Variants in ITPR3 observed in about 807,000 individuals in gnomAD.
The protein encoded by ITPR3 is inositol 1,4,5-trisphosphate receptor type 3.
Under a neutral mutation model 293.2 loss-of-function variants are expected in ITPR3, and 173 were observed. That is an observed-to-expected ratio of 0.59 (90% confidence interval 0.52 to 0.67). The LOEUF (loss-of-function observed/expected upper bound fraction) is 0.67. Ranked by LOEUF, ITPR3 falls within the 30% of genes least tolerant of loss-of-function variation. The probability of loss-of-function intolerance (pLI) is 0.00; values close to 1 mark genes in which losing one functional copy is unlikely to be tolerated. For missense variants in ITPR3, 2,796 were observed against 3,592.1 expected (o/e 0.78, Z 5.66); for synonymous variants, 1,295 against 1,444.4 (o/e 0.90, Z 2.35).
Position 33,633,741 on chromosome 6 carries a change from T to A in ITPR3, c.90-6743T>A, listed in dbSNP as rs1304554724. ...TGCACGTGGGACGGCGAGTTTCGCT[T>A]CGCCGCGGGGGCGGGGGCGGGGCCG... On this transcript the variant is annotated intron_variant, in intron 1 of 57. Transcript: ENST00000605930. This position sits in a 1 kb window ranked among gnomAD's most constrained non-coding sequence, Gnocchi z 5.2. 7.1e-6 allele frequency among the ~76,000 whole-genome samples: 1 copy of A among 141,150 alleles called. No individual in the cohort carries two copies. Among genetic ancestry groups the A allele is most frequent in the African/African-American group, 2.6e-5 (1 of 39,206 alleles). The allele number at this position is 141,150 out of a possible 152,430, so 92.6% of individuals were successfully genotyped here. A position where few individuals can be genotyped will look rare whatever the true frequency, so the allele number is the denominator to read the frequency against.
intron 18 of ITPR3, among the ~76,000 whole-genome samples, 155 bp downstream of exon 18, chr6:33,669,311 G>A (rs568949643): frequency 1.3e-5 from 2 of 152,198 alleles, no homozygotes; most frequent in Non-Finnish European, 2.9e-5. Flanking sequence ...CCCCTGCCAC[G>A]AAGCCTCATT....
intron 1 of ITPR3, among the ~76,000 whole-genome samples, chr6:33,627,571 T>C (rs762028831): frequency 6.6e-6 from 1 of 152,268 alleles, no homozygotes; most frequent in Non-Finnish European, 1.5e-5. Flanking sequence ...CTGAACATCC[T>C]AGTGCATGCA....
chr6:33,693,218 G>A (rs916091455), intron 55 of ITPR3, among the ~76,000 whole-genome samples: 3 of 152,180 alleles, frequency 2.0e-5, no homozygotes, highest in Non-Finnish European at 4.4e-5. Flanking sequence ...CAGCCACCTC[G>A]GGCTCAGGCA....
chr6:33,688,495 G>A (rs948542144), intron 48 of ITPR3, 64 bp downstream of exon 48: 58 of 1,498,154 alleles, frequency 3.9e-5, no homozygotes, highest in Middle Eastern at 2.4e-4. Context: ...CTGTTATAAC[G>A]GCCTCCTTTG....
rs767216091 is a variant in ITPR3, at chr6:33,691,757, G to A, written c.7330+38G>A. ...TGTGTGCAGGAGTCTGTGTGGGGTA[G>A]GAGGAGCAGGCAGCCCGGGCCTCAG... On this transcript the variant is annotated intron_variant, in intron 53 of 57. Coordinates refer to ENST00000605930, the MANE Select transcript of ITPR3 (RefSeq NM_002224.4). This position sits in a 1 kb window ranked among gnomAD's most constrained non-coding sequence, Gnocchi z 4.9. 7 of 1,608,136 alleles carry A rather than the reference G, an allele frequency of 4.4e-6. No individual in the cohort carries two copies. Among genetic ancestry groups the A allele is most frequent in the Non-Finnish European group, 4.2e-6 (5 of 1,177,754 alleles).
intron 2 of ITPR3, among the ~76,000 whole-genome samples, chr6:33,643,974 GA>G (rs1417762607): frequency 6.6e-6 from 1 of 152,212 alleles, no homozygotes; most frequent in Non-Finnish European, 1.5e-5. Context: ...GTCAGGTCAC[GA>G]GGTCCAGAGT....
chr6:33,636,884 G>T (rs1389078680), intron 1 of ITPR3, among the ~76,000 whole-genome samples: 1 of 152,136 alleles, frequency 6.6e-6, no homozygotes, highest in African/African-American at 2.4e-5. Flanking sequence ...AGGTGCTGGA[G>T]GCCGGGAGAG....
At position 33,667,139 on chromosome 6, in the gene ITPR3, T is replaced by C; in HGVS notation, c.1562T>C (p.Ile521Thr). The change falls in exon 15 of 58, where the codon ATT becomes ACT. Residue 521 changes from isoleucine to threonine, a missense_variant. Ile to Thr is a moderately conservative substitution (Grantham distance 89, BLOSUM62 -1). This residue lies in a region of ITPR3 where 955 missense variants were observed against 1,180.8 expected (regional missense o/e 0.81). Coordinates refer to ENST00000605930, the MANE Select transcript of ITPR3 (RefSeq NM_002224.4). The surrounding 1 kb of genome is among the most constrained non-coding windows in gnomAD (Gnocchi z 4.4). The stretch of plus-strand genomic sequence containing the variant: ...TCTGTATTCCCCCAGGTCTTTGGCA[T>C]TCTGAAGGCCCCGTTCCGTGAGAAG... ...EQNILKQVFGILKAPFREKGG... is the reference protein window; with the variant it reads ...EQNILKQVFGTLKAPFREKGG... 2 of 1,613,988 alleles carry C rather than the reference T, an allele frequency of 1.2e-6. No individual in the cohort carries two copies. Among genetic ancestry groups the C allele is most frequent in the Non-Finnish European group, 1.7e-6 (2 of 1,179,904 alleles).
In ITPR3 at chr6:33,670,632, A is replaced by G. The variant is rs772993409; in HGVS notation, c.2442-39A>G. 1 of 1,613,376 alleles carries G rather than the reference A, an allele frequency of 6.2e-7. No individual in the cohort carries two copies. Among genetic ancestry groups the G allele is most frequent in the Non-Finnish European group, 8.5e-7 (1 of 1,179,802 alleles). ...CAGGGGCAGAGGCTGGAGTGGGTGT[A>G]TCTCGGGGACCTTCATGCCTCATGG... On this transcript the variant is annotated intron_variant, in intron 19 of 57. Transcript: ENST00000605930. This position sits in a 1 kb window ranked among gnomAD's most constrained non-coding sequence, Gnocchi z 6.7.
At chr6:33,652,303 T>C (rs930959030) in intron 2 of ITPR3, among the ~76,000 whole-genome samples, 2 of 152,148 alleles carry the variant, frequency 1.3e-5, no homozygotes, top group Non-Finnish European at 2.9e-5. Context: ...GGTTGATGTA[T>C]GCATCCGGCA....
intron 1 of ITPR3, among the ~76,000 whole-genome samples, chr6:33,625,217 C>T (rs1763524038): frequency 6.6e-6 from 1 of 152,000 alleles, no homozygotes; most frequent in African/African-American, 2.4e-5. Context: ...GATCTCAAGT[C>T]ATCTCTTGAA....
In ITPR3 at chr6:33,667,442, C is replaced by T; in HGVS notation, c.1713+152C>T. The T allele has an allele frequency of 9.5e-7, 1 of 1,051,428 alleles. No homozygotes were observed. The highest frequency in any genetic ancestry group is 1.3e-6 in the Non-Finnish European group (1 of 746,006). The allele number at this position is 1,051,428 out of a possible 1,614,324, so 65.1% of individuals were successfully genotyped here. ...CAGGGCCGGGTTCATGGGAATGGGACCTGGCCCGGTGCTCACAAGGGCCTT... is the reference window on the plus strand; with the variant it reads ...CAGGGCCGGGTTCATGGGAATGGGATCTGGCCCGGTGCTCACAAGGGCCTT... On this transcript the variant is annotated intron_variant, in intron 15 of 57. Transcript: ENST00000605930. This position sits in a 1 kb window ranked among gnomAD's most constrained non-coding sequence, Gnocchi z 4.4.
In ITPR3 at chr6:33,640,530, G is replaced by C. The variant is rs749506387; in HGVS notation, c.136G>C (p.Asp46His). 1.2e-6 allele frequency: 2 copies of C among 1,613,514 alleles called. No individual in the cohort carries two copies. Among genetic ancestry groups the C allele is most frequent in the African/African-American group, 2.7e-5 (2 of 74,866 alleles). ...CVVEPAAGDLDNPPKKFRDCL... is the reference protein window; with the variant it reads ...CVVEPAAGDLHNPPKKFRDCL... ...GGTGGAGCCCGCGGCCGGGGACCTGGACAACCCCCCTAAGAAGTTCCGTGG... is the reference window on the plus strand; with the variant it reads ...GGTGGAGCCCGCGGCCGGGGACCTGCACAACCCCCCTAAGAAGTTCCGTGG... Residue 46 changes from aspartate to histidine, a missense_variant, in exon 2 of 58, where the codon GAC (aspartate) becomes CAC (histidine). This residue lies in a region of ITPR3 where 53 missense variants were observed against 45.7 expected (regional missense o/e 1.16). Transcript: ENST00000605930.
chr6:33,685,756 T>C lies in ITPR3; in HGVS notation c.5596T>C (p.Ser1866Pro). 6.2e-7 allele frequency: 1 copy of C among 1,604,944 alleles called. No homozygotes were observed. The highest frequency in any genetic ancestry group is 8.5e-7 in the Non-Finnish European group (1 of 1,173,788). The change falls in exon 41 of 58, where the codon TCC (serine) becomes CCC (proline). Residue 1866 changes from serine to proline, a missense_variant. Transcript: ENST00000605930. Reference sequence around the variant, plus strand: ...TGTGCAGAGCAGTGAGATGGGCACATCCGTGCTCATCATGCAGCCCATCCT... The same window carrying C: ...TGTGCAGAGCAGTGAGATGGGCACACCCGTGCTCATCATGCAGCCCATCCT... ...ERVQSSEMGTSVLIMQPILRF... is the reference protein window; with the variant it reads ...ERVQSSEMGTPVLIMQPILRF...
At position 33,655,675 on chromosome 6, in the gene ITPR3, G is replaced by A. The variant is rs1764288716; in HGVS notation, c.161-91G>A. Reference sequence around the variant, plus strand: ...GGGAACGGGGGTGGGGAAGGGTTGGGAGAGAAGAGCTGCAGGCTGGGGTTT... The same window carrying A: ...GGGAACGGGGGTGGGGAAGGGTTGGAAGAGAAGAGCTGCAGGCTGGGGTTT... On this transcript the variant is annotated intron_variant, in intron 2 of 57. Transcript: ENST00000605930. The surrounding 1 kb of genome is among the most constrained non-coding windows in gnomAD (Gnocchi z 4.9). The A allele has an allele frequency of 2.6e-6, 4 of 1,548,260 alleles. No homozygotes were observed. The highest frequency in any genetic ancestry group is 1.4e-5 in the African/African-American group (1 of 73,816).
chr6:33,623,682 G>T (rs547128940), intron 1 of ITPR3, among the ~76,000 whole-genome samples: 1 of 152,174 alleles, frequency 6.6e-6, no homozygotes, highest in South Asian at 2.1e-4. Context: ...CCTTGTGCAG[G>T]CCTCACTCCC....
In ITPR3 at chr6:33,680,455, G is replaced by T; in HGVS notation, c.4350+1G>T. 1 of 1,612,794 alleles carries T rather than the reference G, an allele frequency of 6.2e-7. No homozygotes were observed. On this transcript the variant is annotated splice_donor_variant, in intron 32 of 57. Coordinates refer to ENST00000605930, the MANE Select transcript of ITPR3 (RefSeq NM_002224.4). LOFTEE classifies it high-confidence loss of function. Reference sequence around the variant, plus strand: ...GAACTTCACCCTGGACATGGCCCGGGTCTGTCCCTGTGAGGGGTGTGGGTG... The same window carrying T: ...GAACTTCACCCTGGACATGGCCCGGTTCTGTCCCTGTGAGGGGTGTGGGTG...
intron 56 of ITPR3, chr6:33,694,704 T>A: frequency 1.8e-6 from 1 of 547,862 alleles, no homozygotes; most frequent in Admixed American, 3.5e-5. Flanking sequence ...CTAACGGAAG[T>A]CAGCCTGTCT....
chr6:33,621,588 C>G lies in ITPR3; in HGVS notation c.-15C>G. ...TAGGCGCCCCCCACGCCCTGGGCCC[C>G]GGAGGGCCGCAGCCATGAGTGAAAT... On this transcript the variant is annotated 5_prime_UTR_variant, in exon 1 of 58. Transcript: ENST00000605930. The surrounding 1 kb of genome is among the most constrained non-coding windows in gnomAD (Gnocchi z 7.7). The G allele has an allele frequency of 6.4e-7, 1 of 1,574,602 alleles. No homozygotes were observed. Among genetic ancestry groups the G allele is most frequent in the Non-Finnish European group, 8.6e-7 (1 of 1,158,668 alleles).
Sources: gnomAD v4.1 joint callset for allele counts (sites outside exome capture counted in the v4.1 genomes callset) on GRCh38, gnomAD v4.1.1 for gene constraint, gnomAD v4.1.1 regional missense constraint, Gnocchi (gnomAD v3.1) non-coding constraint, MANE v1.5 for transcripts, NCBI Gene and HGNC (gene_info 2026-07-23, HGNC 2026-07-21) for gene names.